Variants in FBXO10 observed in about 807,000 individuals in gnomAD.
FBXO10 encodes the protein F-box only protein 10.
Under a neutral mutation model 80.7 loss-of-function variants are expected in FBXO10, and 39 were observed. That is an observed-to-expected ratio of 0.48 (90% CI 0.37 to 0.63). The LOEUF is 0.63. Ranked by LOEUF, FBXO10 falls within the 30% of genes least tolerant of loss-of-function variation. The pLI is 0.00. For missense variants in FBXO10, 1,025 were observed against 1,269.0 expected (o/e 0.81, Z 2.92); for synonymous variants, 449 against 489.6 (o/e 0.92, Z 1.09).
At chr9:37,565,381 G>T (rs181553802) in intron 1 of FBXO10, among the ~76,000 whole-genome samples, 105 of 152,282 alleles carry the variant, frequency 6.9e-4, no homozygotes, top group South Asian at 5.2e-3. Flanking sequence ...AATAATAATG[G>T]AAGACAACAA....
chr9:37,553,074 G>A (rs1822245601), intron 1 of FBXO10, among the ~76,000 whole-genome samples: 2 of 146,714 alleles, frequency 1.4e-5, no homozygotes, highest in East Asian at 2.1e-4. Context: ...ATGGAGTCTC[G>A]CTCTGTCACC....
chr9:37,519,371 T>G (rs1821269520), intron 8 of FBXO10, among the ~76,000 whole-genome samples: 1 of 152,134 alleles, frequency 6.6e-6, no homozygotes, highest in South Asian at 2.1e-4. Flanking sequence ...AAACCCCAAG[T>G]CAGCAGGATT....
intron 1 of FBXO10, among the ~76,000 whole-genome samples, chr9:37,567,092 T>C (rs1588862033): frequency 6.6e-6 from 1 of 152,264 alleles, no homozygotes; most frequent in South Asian, 2.1e-4. Context: ...CAAGGGTGTT[T>C]TGAGGGCTTA....
chr9:37,534,646 G>C (rs1821711268), intron 3 of FBXO10, among the ~76,000 whole-genome samples: 1 of 152,168 alleles, frequency 6.6e-6, no homozygotes, highest in Admixed American at 6.5e-5. Flanking sequence ...TCACTTCTCT[G>C]TGGCCTTCAC....
intron 3 of FBXO10, among the ~76,000 whole-genome samples, chr9:37,535,739 C>A (rs1050093407): frequency 1.3e-5 from 2 of 152,164 alleles, no homozygotes; most frequent in African/African-American, 4.8e-5. Context: ...GAGGACAGAG[C>A]CAGGTGACAG....
chr9:37,537,094 A>G lies in FBXO10; in HGVS notation c.1419+16T>C. 1 of 1,577,230 alleles carries G rather than the reference A, an allele frequency of 6.3e-7. No homozygotes were observed. The highest frequency in any genetic ancestry group is 1.3e-5 in the African/African-American group (1 of 74,328). ...GCCACAGGAGCCCCCTGACCAATCT[A>G]AAGTCATGACAGCACCTTGCTATTA... On this transcript the variant is annotated intron_variant, in intron 3 of 10. Transcript: ENST00000432825.
In FBXO10 at chr9:37,574,455, T is replaced by G. The variant is rs180937247; in HGVS notation, c.-7+1756A>C. On this transcript the variant is annotated intron_variant, in intron 1 of 10. Transcript: ENST00000432825. ...CACGGCAACCAAAATGATGGCACTA[T>G]GGTGAAGGCGGCTCTTCTCAGAAAT... Among the ~76,000 whole-genome samples the G allele has an allele frequency of 3.2e-3, 490 of 152,330 alleles. 3 individuals carry two copies. The highest frequency in any genetic ancestry group is 0.011 in the African/African-American group (466 of 41,580).
In FBXO10 at chr9:37,532,016, C is replaced by T. The variant is rs754385634; in HGVS notation, c.1462G>A (p.Gly488Ser). ...CCGCCCTCCAAGCGAAGAAAGATGC[C>T]TGACGCTCGGCAGCGGTAAATGTCG... is the stretch of plus-strand genomic sequence containing the variant. ...RNDIYRCRASGIFLRLEGGGL... is the reference protein window; with the variant it reads ...RNDIYRCRASSIFLRLEGGGL... The change falls in exon 4 of 11, where the codon GGC becomes AGC. Residue 488 changes from glycine (G) to serine (S), a missense_variant. Coordinates refer to ENST00000432825, the MANE Select transcript of FBXO10 (RefSeq NM_012166.3). The T allele has an allele frequency of 5.1e-5, 82 of 1,613,842 alleles. No homozygotes were observed. The highest frequency in any genetic ancestry group is 6.4e-5 in the Non-Finnish European group (75 of 1,179,852).
chr9:37,512,527 C>G lies in FBXO10; in HGVS notation c.*20G>C, dbSNP rs1821083147. 1 of 1,605,558 alleles carries G rather than the reference C, an allele frequency of 6.2e-7. No homozygotes were observed. The highest frequency in any genetic ancestry group is 8.5e-7 in the Non-Finnish European group (1 of 1,173,690). ...CTCTGAGCACCCATCCAGGCTTGGCCCTGAAGCAGGTCTGTGTCCTCACAG... is the reference window on the plus strand; with the variant it reads ...CTCTGAGCACCCATCCAGGCTTGGCGCTGAAGCAGGTCTGTGTCCTCACAG... On this transcript the variant is annotated 3_prime_UTR_variant, in exon 11 of 11. Coordinates refer to ENST00000432825, the MANE Select transcript of FBXO10 (RefSeq NM_012166.3).
chr9:37,561,670 T>G (rs1326347917), intron 1 of FBXO10, among the ~76,000 whole-genome samples: 2 of 152,186 alleles, frequency 1.3e-5, no homozygotes, highest in Non-Finnish European at 1.5e-5. Flanking sequence ...TCAACAAACA[T>G]TCGTTGATTG....
intron 3 of FBXO10, among the ~76,000 whole-genome samples, chr9:37,533,868 G>A (rs1345939297): frequency 2.9e-5 from 4 of 135,638 alleles, no homozygotes; most frequent in South Asian, 2.5e-4. Context: ...TGGAGACTCC[G>A]TCTCAAAAAA....
chr9:37,545,175 C>CTTTTTTTTT (rs397893928), intron 1 of FBXO10, among the ~76,000 whole-genome samples: 1 of 85,638 alleles, frequency 1.2e-5, no homozygotes, highest in Non-Finnish European at 2.1e-5. Flanking sequence ...CATTCTCAGG[C>CTTTTTTTTT]TTTTTTTTTT....
intron 4 of FBXO10, among the ~76,000 whole-genome samples, chr9:37,531,009 G>A (rs533453812): frequency 1.2e-4 from 19 of 152,310 alleles, no homozygotes; most frequent in Non-Finnish European, 2.2e-4. Flanking sequence ...CAGACTGCCT[G>A]GATTCAAATC....
At chr9:37,529,797 G>A (rs1821571153) in intron 4 of FBXO10, among the ~76,000 whole-genome samples, 1 of 151,868 alleles carries the variant, frequency 6.6e-6, no homozygotes, top group African/African-American at 2.4e-5. Context: ...GGGGCATAAG[G>A]TCTTAGAAGG....
chr9:37,525,006 G>A (rs1821431488), intron 6 of FBXO10, 96 bp downstream of exon 6: 1 of 1,046,920 alleles, frequency 9.6e-7, no homozygotes, highest in African/African-American at 1.6e-5. Context: ...GCCATAGTCT[G>A]TGGGGGTAAA....
chr9:37,569,545 T>G (rs1822695996), intron 1 of FBXO10, among the ~76,000 whole-genome samples: 1 of 151,388 alleles, frequency 6.6e-6, no homozygotes, highest in Admixed American at 6.6e-5. Context: ...CTTGATCTAA[T>G]GGCATTTCAT....
intron 7 of FBXO10, chr9:37,522,308 TA>T: frequency 1.0e-6 from 1 of 983,024 alleles, no homozygotes; most frequent in Non-Finnish European, 1.2e-6. Flanking sequence ...TCATGAGGAT[TA>T]AATGTGATCA....
chr9:37,540,312 C>T (rs548858430), intron 2 of FBXO10, among the ~76,000 whole-genome samples: 5 of 152,070 alleles, frequency 3.3e-5, no homozygotes, highest in South Asian at 4.2e-4. Context: ...CTCAGCCTCC[C>T]GAGTAGCTGG....
At chr9:37,574,795 A>T (rs1822851321) in intron 1 of FBXO10, among the ~76,000 whole-genome samples, 1 of 152,194 alleles carries the variant, frequency 6.6e-6, no homozygotes, top group South Asian at 2.1e-4. Flanking sequence ...ATAACCTCAA[A>T]CTAACATAGC....
Sources: gnomAD v4.1 joint callset for allele counts (sites outside exome capture counted in the v4.1 genomes callset) on GRCh38, gnomAD v4.1.1 for gene constraint, MANE v1.5 for transcripts, NCBI Gene and HGNC (gene_info 2026-07-23, HGNC 2026-07-21) for gene names.